The following SVIL variants were observed in gnomAD, a reference collection of about 807,000 sequenced individuals.
The protein encoded by SVIL is supervillin, also known as archvillin.
In SVIL, 101 loss-of-function variants were observed where a neutral mutation model predicts 240.4. The observed-to-expected ratio is 0.42, with a 90% CI of 0.36 to 0.50. The LOEUF is 0.50. SVIL is among the 20% of genes least tolerant of loss of function. SVIL has a pLI of 0.01. For missense variants in SVIL, 2,512 were observed against 2,818.7 expected (o/e 0.89, Z 2.46); for synonymous variants, 999 against 1,100.0 (o/e 0.91, Z 1.82).
rs755904807 is a variant in SVIL, at chr10:29,532,930, C to T, written c.1437G>A (p.Lys479=). Residue 479 remains lysine, a synonymous_variant, in exon 8 of 38, where the codon AAG becomes AAA. Coordinates refer to ENST00000355867, the MANE Select transcript of SVIL (RefSeq NM_021738.3). The part of the protein sequence containing the change: ...EDPSRNEDFG[K]PAVSTVTLEH... Reference sequence around the variant, plus strand: ...CTAAGGTGACTGTGCTCACAGCAGGCTTACCAAAGTCCTCATTTCTAGAGG... The same window carrying T: ...CTAAGGTGACTGTGCTCACAGCAGGTTTACCAAAGTCCTCATTTCTAGAGG... The T allele has an allele frequency of 1.9e-6, 3 of 1,614,148 alleles. No homozygotes were observed. Among genetic ancestry groups the T allele is most frequent in the Admixed American group, 1.7e-5 (1 of 60,028 alleles).
At chr10:29,728,207 G>GA (rs200624383) in intron 1 of SVIL, among the ~76,000 whole-genome samples, 133 of 150,160 alleles carry the variant, frequency 8.9e-4, no homozygotes, top group African/African-American at 2.5e-3. Flanking sequence ...ATTTGAAAAA[G>GA]AAAAAAAAAG....
At chr10:29,661,394 G>A (rs1036808431) in intron 2 of SVIL, among the ~76,000 whole-genome samples, 2 of 152,148 alleles carry the variant, frequency 1.3e-5, no homozygotes, top group Non-Finnish European at 1.5e-5. Context: ...GTTGAAGTTC[G>A]AGAAACGAGT....
intron 1 of SVIL, among the ~76,000 whole-genome samples, chr10:29,625,423 G>A (rs1034795105): frequency 6.6e-6 from 1 of 151,974 alleles, no homozygotes; most frequent in Non-Finnish European, 1.5e-5. Context: ...AGAGAGATGG[G>A]TACTTGACTT....
intron 1 of SVIL, among the ~76,000 whole-genome samples, chr10:29,732,220 T>G (rs1964663861): frequency 6.6e-6 from 1 of 152,214 alleles, no homozygotes; most frequent in Non-Finnish European, 1.5e-5. Context: ...TCCATGCACT[T>G]TCTTGAAGAT....
chr10:29,585,673 A>G (rs746529415), intron 1 of SVIL, among the ~76,000 whole-genome samples: 1 of 152,074 alleles, frequency 6.6e-6, no homozygotes, highest in African/African-American at 2.4e-5. Flanking sequence ...ACACACACAC[A>G]CACTCTGAAT....
At chr10:29,651,601 A>T (rs1958837068) in intron 3 of SVIL, among the ~76,000 whole-genome samples, 2 of 131,154 alleles carry the variant, frequency 1.5e-5, no homozygotes, top group African/African-American at 5.7e-5. Context: ...ATTCTACCTC[A>T]TCCTGTGCCA....
At chr10:29,545,186 T>C (rs1454182437) in intron 6 of SVIL, 84 of 484,754 alleles carry the variant, frequency 1.7e-4, no homozygotes, top group Non-Finnish European at 1.4e-4. Context: ...CTAAAATCTC[T>C]CATCAGGAGA....
chr10:29,600,158 A>G (rs1295797848), intron 1 of SVIL, among the ~76,000 whole-genome samples: 3 of 151,868 alleles, frequency 2.0e-5, no homozygotes, highest in Admixed American at 1.3e-4. Context: ...TCCCCACTTC[A>G]ACCTCCCAAT....
intron 3 of SVIL, among the ~76,000 whole-genome samples, chr10:29,645,145 A>T (rs1194684776): frequency 6.6e-6 from 1 of 152,136 alleles, no homozygotes; most frequent in Non-Finnish European, 1.5e-5. Context: ...TAGTCTGGGG[A>T]CTGAAAATCG....
intron 1 of SVIL, among the ~76,000 whole-genome samples, chr10:29,590,352 C>T (rs1223973535): frequency 6.6e-6 from 1 of 152,134 alleles, no homozygotes. Context: ...TTGTACTGAG[C>T]CAGCCCCTGA....
intron 18 of SVIL, among the ~76,000 whole-genome samples, chr10:29,497,956 C>T (rs1197534984): frequency 6.6e-6 from 1 of 151,628 alleles, no homozygotes; most frequent in Non-Finnish European, 1.5e-5. Flanking sequence ...GTGGCGCGCG[C>T]CTGTGATCCC....
intron 30 of SVIL, chr10:29,473,521 T>G (rs1945827031): frequency 2.8e-6 from 1 of 355,948 alleles, no homozygotes. Context: ...TGGCATCTCT[T>G]TGTTTTACTT....
chr10:29,557,012 T>C (rs909455826), intron 3 of SVIL, among the ~76,000 whole-genome samples: 3 of 151,902 alleles, frequency 2.0e-5, no homozygotes, highest in African/African-American at 4.8e-5. Flanking sequence ...AACTGAGAAA[T>C]AGAAAATATT....
In SVIL at chr10:29,589,971, G is replaced by T. The variant is rs539672670; in HGVS notation, c.-200-20659C>A. Among the ~76,000 whole-genome samples, 5 of 151,948 alleles carry T rather than the reference G, an allele frequency of 3.3e-5. 1 individual carries two copies. In the South Asian group the frequency reaches 1.0e-3, roughly 32 times the overall value. On this transcript the variant is annotated intron_variant, in intron 1 of 37. Transcript: ENST00000355867. ...ATCACGAGGTCAGGAGTGAAGACCA[G>T]CCTGGCCAAGATGGTGAAACCCCGT...
intron 6 of SVIL, among the ~76,000 whole-genome samples, chr10:29,546,565 C>T (rs1589197602): frequency 8.1e-6 from 1 of 123,292 alleles, no homozygotes; most frequent in East Asian, 2.4e-4. Context: ...TGTTATTTTG[C>T]CTATAATGCT....
Position 29,484,732 on chromosome 10 carries a change from A to AT in SVIL, c.4878dup (p.Trp1627MetfsTer6), listed in dbSNP as rs1564493139. ...TTCTCATAGTCAAAGGTTCCATTCCATAAGTGCTTTGCCAGCTGAAATGCT... is the reference window on the plus strand; with the variant it reads ...TTCTCATAGTCAAAGGTTCCATTCCATTAAGTGCTTTGCCAGCTGAAATGCT... On this transcript the variant is annotated frameshift_variant, in exon 27 of 38. Transcript: ENST00000355867. LOFTEE classifies it high-confidence loss of function. The surrounding 1 kb of genome is among the most constrained non-coding windows in gnomAD (Gnocchi z 4.7). The AT allele has an allele frequency of 1.2e-6, 2 of 1,614,106 alleles. No individual in the cohort carries two copies. Among genetic ancestry groups the AT allele is most frequent in the Admixed American group, 3.3e-5 (2 of 60,024 alleles).
chr10:29,498,943 T>C (rs1322248819), intron 18 of SVIL, among the ~76,000 whole-genome samples, 173 bp downstream of exon 18: 2 of 152,222 alleles, frequency 1.3e-5, no homozygotes, highest in African/African-American at 4.8e-5. Context: ...ACTGAGCCAC[T>C]GCACCCCAGC....
At chr10:29,611,393 G>C (rs1157508265) in intron 1 of SVIL, among the ~76,000 whole-genome samples, 3 of 151,796 alleles carry the variant, frequency 2.0e-5, no homozygotes, top group African/African-American at 7.3e-5. Context: ...AATAGGGACC[G>C]AGGTGGGGGG....
At chr10:29,694,671 G>T (rs1386227647) in intron 1 of SVIL, among the ~76,000 whole-genome samples, 2 of 152,148 alleles carry the variant, frequency 1.3e-5, no homozygotes, top group Non-Finnish European at 2.9e-5. Context: ...TGTTGGCCGG[G>T]TTGGTCCCAA....
Sources: allele counts gnomAD v4.1 joint callset (sites outside exome capture counted in the v4.1 genomes callset), GRCh38; gene constraint gnomAD v4.1.1; non-coding constraint Gnocchi (gnomAD v3.1); transcripts MANE v1.5; gene names NCBI Gene and HGNC (gene_info 2026-07-23, HGNC 2026-07-21).